CD36: variants seen among roughly 807,000 people sequenced by gnomAD.
The protein encoded by CD36 is platelet glycoprotein 4.
A neutral mutation model predicts 55.2 loss-of-function variants in CD36; 119 were observed. The ratio of observed to expected loss-of-function variants is 2.15; its 90% CI spans 1.86 to 2.51. The LOEUF (loss-of-function observed/expected upper bound fraction) is 2.51. CD36 is among the 30% of genes most tolerant of loss of function. The pLI, the probability that CD36 is intolerant of heterozygous loss-of-function variation, is 0.00. For missense variants in CD36, 819 were observed against 555.5 expected (o/e 1.47, Z -4.77); for synonymous variants, 186 against 193.6 (o/e 0.96, Z 0.33).
At position 80,621,500 on chromosome 7, in the gene CD36, T is replaced by A. The variant is rs138400839; in HGVS notation, c.-184+19121T>A. 4.1e-3 allele frequency among the ~76,000 whole-genome samples: 629 copies of A among 152,324 alleles called. 7 individuals carry two copies. Among genetic ancestry groups the A allele is most frequent in the African/African-American group, 0.015 (608 of 41,576 alleles). On this transcript the variant is annotated intron_variant, in intron 1 of 13. Transcript: ENST00000309881. ...TAGCTGACTCGTGGTAATAGGTGAA[T>A]AAATATTTGTCCCCTTCTGTATCAT...
intron 1 of CD36, among the ~76,000 whole-genome samples, chr7:80,614,233 A>G (rs1283093962): frequency 6.6e-6 from 1 of 152,166 alleles, no homozygotes; most frequent in Non-Finnish European, 1.5e-5. Flanking sequence ...TCCAGAGCAC[A>G]TCCGTATTGT....
intron 12 of CD36, chr7:80,673,099 A>G (rs550364783): frequency 5.7e-6 from 3 of 524,476 alleles, no homozygotes; most frequent in African/African-American, 2.0e-5. Flanking sequence ...ACAATAATTA[A>G]TTTTTGGAAT....
At chr7:80,637,190 AGTGT>A (rs925810175), upstream of CD36, among the ~76,000 whole-genome samples, 2 of 151,960 alleles carry the variant, frequency 1.3e-5, no homozygotes, top group Non-Finnish European at 2.9e-5. Context: ...TTAGAGTGTG[AGTGT>A]GTGAGAATTA....
intron 1 of CD36, among the ~76,000 whole-genome samples, chr7:80,639,069 T>A (rs1365826910): frequency 6.6e-6 from 1 of 152,096 alleles, no homozygotes; most frequent in African/African-American, 2.4e-5. Context: ...AGGCTATTTA[T>A]ACATGATGTT....
chr7:80,677,601 A>G lies in CD36; in HGVS notation c.*1218A>G, dbSNP rs1195712240. ...CTTTCCTTTTAACTGGGAAGATAAA[A>G]GAAGTATCTGTCCAAGATATTAATA... On this transcript the variant is annotated 3_prime_UTR_variant, in exon 15 of 15. Transcript: ENST00000447544. 2 of 152,204 alleles carry G rather than the reference A, an allele frequency of 1.3e-5. No homozygotes were observed. Among genetic ancestry groups the G allele is most frequent in the African/African-American group, 4.8e-5 (2 of 41,462 alleles). 9.4% of individuals were successfully genotyped at this position (152,204 alleles called of 1,614,324 possible).
intron 1 of CD36, chr7:80,626,053 A>G (rs10265780): frequency 0.35 from 53,073 of 151,788 alleles, 9,395 homozygotes; most frequent in South Asian, 0.45. Context: ...TGGTAGCACA[A>G]ATTTTTGTAT....
At chr7:80,634,230 T>G (rs763489260), upstream of CD36, among the ~76,000 whole-genome samples, 1 of 152,048 alleles carries the variant, frequency 6.6e-6, no homozygotes, top group Non-Finnish European at 1.5e-5. Flanking sequence ...GCTCCACACC[T>G]GGCAGGTAGT....
chr7:80,618,813 A>C (rs4731646), intron 1 of CD36, among the ~76,000 whole-genome samples: 146,871 of 152,280 alleles, frequency 0.96, 70,873 homozygotes, highest in East Asian at 1. Context: ...GTCTCCATAA[A>C]ATAAAAGTGC....
intron 3 of CD36, among the ~76,000 whole-genome samples, chr7:80,650,013 G>GA (rs1795476452): frequency 6.6e-6 from 1 of 152,066 alleles, no homozygotes; most frequent in South Asian, 2.1e-4. Context: ...GGGTAATAAA[G>GA]AAGGGGGAAT....
At chr7:80,656,414 G>T (rs972928077) in intron 3 of CD36, 126 bp from the exon 4 acceptor site, 1 of 746,600 alleles carries the variant, frequency 1.3e-6, no homozygotes, top group East Asian at 2.7e-5. Context: ...GGTTGCAAAG[G>T]TTCTCATGAA....
At chr7:80,664,685 G>A (rs1442059909) in intron 7 of CD36, among the ~76,000 whole-genome samples, 188 bp downstream of exon 7, 1 of 152,070 alleles carries the variant, frequency 6.6e-6, no homozygotes, top group Admixed American at 6.6e-5. Context: ...GTTCACACCA[G>A]TGCATAGCTG....
chr7:80,610,966 C>G (rs758298231), intron 1 of CD36, among the ~76,000 whole-genome samples: 6 of 152,076 alleles, frequency 3.9e-5, no homozygotes, highest in Non-Finnish European at 7.4e-5. Flanking sequence ...ATCTCAAACT[C>G]CTGGCTTTAA....
chr7:80,672,113 CGAT>C (rs1354476316), intron 11 of CD36, 73 bp downstream of exon 11: 26 of 1,181,812 alleles, frequency 2.2e-5, no homozygotes, highest in Middle Eastern at 2.8e-4. Context: ...ATAATCTTGT[CGAT>C]GATTATTTAT....
rs201526228 is a variant in CD36, at chr7:80,652,778, A to T, written c.121-3762A>T. Among the ~76,000 whole-genome samples the T allele has an allele frequency of 8.3e-3, 1,266 of 152,330 alleles. 55 individuals are homozygous for T. The East Asian group carries it at 0.1, about 12-fold the overall frequency. On this transcript the variant is annotated intron_variant, in intron 3 of 14. Transcript: ENST00000447544. ...AGCAATTAAAGCAGAATGGAGAAGT[A>T]AATGGTATTAGAGTTCTTCCTCTAA...
chr7:80,665,293 C>A lies in CD36; in HGVS notation c.701+796C>A, dbSNP rs77305029. Among the ~76,000 whole-genome samples the A allele has an allele frequency of 7.8e-3, 1,174 of 151,190 alleles. 44 individuals are homozygous for A. The East Asian group carries it at 0.088, about 11-fold the overall frequency. On this transcript the variant is annotated intron_variant, in intron 7 of 14. Coordinates refer to ENST00000447544, the MANE Select transcript of CD36 (RefSeq NM_001001548.3). Reference sequence around the variant, plus strand: ...AGAACCCTAATAAATATCAGAGGAACAAGCTTTCTTCTCCATAAAATTAAC... The same window carrying A: ...AGAACCCTAATAAATATCAGAGGAAAAAGCTTTCTTCTCCATAAAATTAAC...
At chr7:80,621,650 A>T (rs113389606) in intron 1 of CD36, among the ~76,000 whole-genome samples, 2 of 152,356 alleles carry the variant, frequency 1.3e-5, no homozygotes, top group African/African-American at 4.8e-5. Flanking sequence ...TTTTTAAAAA[A>T]ATCCAAAGAA....
intron 1 of CD36, among the ~76,000 whole-genome samples, chr7:80,611,383 G>A (rs1235853977): frequency 2.0e-5 from 3 of 152,186 alleles, no homozygotes; most frequent in East Asian, 1.9e-4. Flanking sequence ...TATCACTGTG[G>A]CATCTTCTAA....
chr7:80,648,431 T>C (rs546965102), intron 3 of CD36, among the ~76,000 whole-genome samples: 2 of 152,280 alleles, frequency 1.3e-5, no homozygotes, highest in Admixed American at 1.3e-4. Context: ...TGAGTATTGA[T>C]GATTTAATTT....
intron 1 of CD36, chr7:80,639,857 C>T (rs1484934388): frequency 6.6e-6 from 1 of 151,874 alleles, no homozygotes; most frequent in Non-Finnish European, 1.5e-5. Context: ...CATTAGTGAA[C>T]CAGAACAATA....
Sources: gnomAD v4.1 joint callset for allele counts (sites outside exome capture counted in the v4.1 genomes callset) on GRCh38, gnomAD v4.1.1 for gene constraint, MANE v1.5 for transcripts, NCBI Gene and HGNC (gene_info 2026-07-23, HGNC 2026-07-21) for gene names.